The following ASIC2 variants were observed in gnomAD, a reference collection of about 807,000 sequenced individuals.
The protein encoded by ASIC2 is acid sensing ion channel subunit 2.
ASIC2 carries 25 observed loss-of-function variants against 57.3 expected under a neutral mutation model. The observed-to-expected ratio is 0.44, with a 90% CI of 0.32 to 0.61. The LOEUF (loss-of-function observed/expected upper bound fraction) is 0.61, where lower values mean the gene tolerates loss of function less well. ASIC2 is among the 20% of genes least tolerant of loss of function. ASIC2 has a pLI of 0.06. For synonymous variants in ASIC2, 319 were observed against 307.5 expected, an observed-to-expected ratio of 1.04 and a Z score of -0.39; for missense variants, 641 against 738.1, an observed-to-expected ratio of 0.87 and a Z score of 1.52.
intron 1 of ASIC2, among the ~76,000 whole-genome samples, chr17:33,432,251 C>T (rs1911445619): frequency 6.6e-6 from 1 of 152,208 alleles, no homozygotes; most frequent in Non-Finnish European, 1.5e-5. Flanking sequence ...TGTGGCGGCT[C>T]ATGCCCATAA....
In ASIC2 at chr17:34,151,125, A is replaced by AG. The variant is rs56390397; in HGVS notation, c.555+4852_555+4853insC. Among the ~76,000 whole-genome samples the AG allele has an allele frequency of 6.2e-4, 92 of 147,314 alleles. 1 individual carries two copies. The highest frequency in any genetic ancestry group is 2.1e-3 in the African/African-American group (84 of 39,474). ...CTCAAGAAAAAAAAAAAAAAAAAAA[A>AG]TAAAGAGGTAGAGTAGGAAAGGTCC... On this transcript the variant is annotated intron_variant, in intron 1 of 9. Transcript: ENST00000359872.
At chr17:34,032,863 T>C (rs1353352727) in intron 1 of ASIC2, among the ~76,000 whole-genome samples, 2 of 152,146 alleles carry the variant, frequency 1.3e-5, no homozygotes, top group Non-Finnish European at 2.9e-5. Flanking sequence ...ATTCATAAAG[T>C]AAGTCCTTAA....
chr17:33,431,464 C>T (rs1481778257), intron 1 of ASIC2, among the ~76,000 whole-genome samples: 3 of 142,528 alleles, frequency 2.1e-5, no homozygotes, highest in Non-Finnish European at 4.7e-5. Flanking sequence ...ATTACCCAGG[C>T]ATGGTGGCAC....
At chr17:33,090,132 G>A (rs1479023626) in intron 2 of ASIC2, among the ~76,000 whole-genome samples, 1 of 152,134 alleles carries the variant, frequency 6.6e-6, no homozygotes, top group Non-Finnish European at 1.5e-5. Context: ...GGGCATCACT[G>A]GTACCCACTC....
At chr17:33,314,798 T>C (rs1238630743) in intron 1 of ASIC2, among the ~76,000 whole-genome samples, 2 of 152,218 alleles carry the variant, frequency 1.3e-5, no homozygotes, top group Non-Finnish European at 2.9e-5. Flanking sequence ...AAGCACTTAC[T>C]TTAGGTCAGG....
intron 1 of ASIC2, among the ~76,000 whole-genome samples, chr17:33,951,588 T>G (rs1194194346): frequency 1.3e-5 from 2 of 151,734 alleles, no homozygotes. Flanking sequence ...TCTTTTCTTT[T>G]TTTCTTTTTT....
intron 1 of ASIC2, among the ~76,000 whole-genome samples, chr17:33,994,035 C>T (rs4493111): frequency 0.31 from 47,537 of 151,888 alleles, 9,871 homozygotes; most frequent in East Asian, 0.57. Flanking sequence ...CCCAGAACAG[C>T]GCTCCAAACT....
chr17:33,579,082 T>C (rs906509241), intron 1 of ASIC2, among the ~76,000 whole-genome samples: 2 of 151,252 alleles, frequency 1.3e-5, no homozygotes, highest in African/African-American at 4.9e-5. Flanking sequence ...GGTCAGGGAT[T>C]CAGACCAGTC....
chr17:33,834,824 G>C (rs971822864), intron 1 of ASIC2, among the ~76,000 whole-genome samples: 3 of 152,176 alleles, frequency 2.0e-5, no homozygotes, highest in Non-Finnish European at 4.4e-5. Flanking sequence ...GGTGTAAGAA[G>C]TTTCTGAGAG....
chr17:33,598,792 C>G (rs969309775), intron 1 of ASIC2, among the ~76,000 whole-genome samples: 1 of 152,114 alleles, frequency 6.6e-6, no homozygotes, highest in Non-Finnish European at 1.5e-5. Context: ...AGGATGTGCC[C>G]CACAATCAAA....
intron 1 of ASIC2, among the ~76,000 whole-genome samples, chr17:33,340,894 G>C (rs1195735617): frequency 1.3e-5 from 2 of 152,090 alleles, no homozygotes; most frequent in African/African-American, 4.8e-5. Flanking sequence ...CACTCTCAGG[G>C]AATGACCCTG....
intron 1 of ASIC2, among the ~76,000 whole-genome samples, chr17:33,634,479 A>G (rs1439915073): frequency 6.6e-6 from 1 of 151,338 alleles, no homozygotes; most frequent in Non-Finnish European, 1.5e-5. Flanking sequence ...ATGAGGCTTG[A>G]TACTGGATAT....
chr17:34,090,334 TGAAG>T (rs898607735), intron 1 of ASIC2, among the ~76,000 whole-genome samples: 2 of 152,174 alleles, frequency 1.3e-5, no homozygotes, highest in African/African-American at 4.8e-5. Context: ...TATTTATAAA[TGAAG>T]GAACTTTTCC....
At chr17:33,245,443 C>T (rs1398646871) in intron 1 of ASIC2, among the ~76,000 whole-genome samples, 1 of 152,118 alleles carries the variant, frequency 6.6e-6, no homozygotes, top group Non-Finnish European at 1.5e-5. Flanking sequence ...CCACTGAGCC[C>T]CGGGCACTGT....
chr17:33,227,942 G>C (rs1334187703), intron 1 of ASIC2, among the ~76,000 whole-genome samples: 2 of 152,184 alleles, frequency 1.3e-5, no homozygotes, highest in Admixed American at 1.3e-4. Flanking sequence ...ACTTCTCACT[G>C]CAGGGGAAGA....
chr17:33,213,628 T>G (rs528030492), intron 1 of ASIC2, among the ~76,000 whole-genome samples: 1 of 152,322 alleles, frequency 6.6e-6, no homozygotes, highest in African/African-American at 2.4e-5. Context: ...CTTAAATGTT[T>G]CAACTTTAGC....
At chr17:34,069,566 T>C (rs997403123) in intron 1 of ASIC2, 2 of 152,244 alleles carry the variant, frequency 1.3e-5, no homozygotes, top group Non-Finnish European at 2.9e-5. Flanking sequence ...GCTGAGCTAC[T>C]GAGCTTGCCC....
chr17:33,591,909 G>A lies in ASIC2; in HGVS notation c.556-479842C>T, dbSNP rs28594820. 5.4e-3 allele frequency among the ~76,000 whole-genome samples: 826 copies of A among 152,206 alleles called. 7 individuals are homozygous for A. The highest frequency in any genetic ancestry group is 0.019 in the African/African-American group (794 of 41,526). Reference sequence around the variant, plus strand: ...CTCACACAAGAATCCTCATCTCAGGGTCTGTTCCTAGAGAAACCTGAGCTA... The same window carrying A: ...CTCACACAAGAATCCTCATCTCAGGATCTGTTCCTAGAGAAACCTGAGCTA... On this transcript the variant is annotated intron_variant, in intron 1 of 9. Coordinates refer to the ASIC2 transcript ENST00000359872.
intron 1 of ASIC2, among the ~76,000 whole-genome samples, chr17:34,128,876 T>C (rs1215647128): frequency 1.3e-5 from 2 of 152,144 alleles, no homozygotes; most frequent in East Asian, 1.9e-4. Context: ...AGTTGCCAGA[T>C]GCCCCAGCGC....
Sources: allele counts gnomAD v4.1 joint callset (sites outside exome capture counted in the v4.1 genomes callset), GRCh38; gene constraint gnomAD v4.1.1; transcripts MANE v1.5; gene names NCBI Gene and HGNC (gene_info 2026-07-23, HGNC 2026-07-21).